Variants in PKHD1L1 observed in about 807,000 individuals in gnomAD.
PKHD1L1 encodes the protein fibrocystin-L.
Under a neutral mutation model 462.9 loss-of-function variants are expected in PKHD1L1, and 434 were observed. The ratio of observed to expected loss-of-function variants is 0.94; its 90% CI spans 0.87 to 1.02. The LOEUF (loss-of-function observed/expected upper bound fraction) is 1.02, where lower values mean the gene tolerates loss of function less well. Ranked by LOEUF, PKHD1L1 falls within the 50% of genes least tolerant of loss-of-function variation. PKHD1L1 has a pLI of 0.00. For synonymous variants in PKHD1L1, 1,781 were observed against 1,750.0 expected (o/e 1.02, Z -0.44); for missense variants, 5,202 against 5,096.1 (o/e 1.02, Z -0.63).
chr8:109,483,096 G>A lies in PKHD1L1; in HGVS notation c.9567G>A (p.Val3189=), dbSNP rs945934182. 1.9e-6 allele frequency: 3 copies of A among 1,575,754 alleles called. No individual in the cohort carries two copies. Among genetic ancestry groups the A allele is most frequent in the African/African-American group, 2.8e-5 (2 of 72,316 alleles). ...GSKVLSLMDA[V]DWQEGEEIVI... ...AAGTCCTGTCTCTGATGGATGCTGT[G>A]GATTGGCAGGTAGACAAAATAATTA... Residue 3189 remains valine (V), a synonymous_variant, in exon 57 of 78, where the codon GTG becomes GTA. Coordinates refer to ENST00000378402, the MANE Select transcript of PKHD1L1 (RefSeq NM_177531.6).
chr8:109,428,194 T>C (rs988681722), intron 25 of PKHD1L1, among the ~76,000 whole-genome samples: 2 of 152,180 alleles, frequency 1.3e-5, no homozygotes, highest in Non-Finnish European at 2.9e-5. Context: ...CTATCACTTA[T>C]ATAACTCTAT....
rs1821122513 is a variant in PKHD1L1, at chr8:109,535,277, G to T, written c.*5187G>T. 6.6e-6 allele frequency among the ~76,000 whole-genome samples: 1 copy of T among 151,952 alleles called. No individual in the cohort carries two copies. The highest frequency in any genetic ancestry group is 1.5e-5 in the Non-Finnish European group (1 of 67,962). ...TACATGGCAATAGTATTTTCCTTTG[G>T]TTTTTCATTACAGTAACTTATGCAT... On this transcript the variant is annotated 3_prime_UTR_variant, in exon 78 of 78. Transcript: ENST00000378402.
intron 50 of PKHD1L1, among the ~76,000 whole-genome samples, chr8:109,468,107 T>C (rs1817544725): frequency 6.6e-6 from 1 of 152,202 alleles, no homozygotes; most frequent in African/African-American, 2.4e-5. Flanking sequence ...TGTATCTCAA[T>C]ATAAACCAAT....
At chr8:109,396,250 C>A in intron 11 of PKHD1L1, 113 bp downstream of exon 11, 1 of 775,240 alleles carries the variant, frequency 1.3e-6, no homozygotes, top group Non-Finnish European at 2.1e-6. Flanking sequence ...CAATTGGAAG[C>A]TGAGTATTTT....
chr8:109,509,443 T>C (rs1819862297), intron 70 of PKHD1L1, among the ~76,000 whole-genome samples: 1 of 151,924 alleles, frequency 6.6e-6, no homozygotes, highest in South Asian at 2.1e-4. Flanking sequence ...TTCTTCAATA[T>C]GAATTTAAAT....
chr8:109,527,370 G>C (rs548383247), intron 77 of PKHD1L1, among the ~76,000 whole-genome samples: 1 of 152,160 alleles, frequency 6.6e-6, no homozygotes, highest in Admixed American at 6.5e-5. Flanking sequence ...TGGGCATGGT[G>C]GTGGGCAACT....
At chr8:109,479,262 C>T (rs1440886782) in intron 53 of PKHD1L1, among the ~76,000 whole-genome samples, 1 of 152,046 alleles carries the variant, frequency 6.6e-6, no homozygotes, top group Non-Finnish European at 1.5e-5. Flanking sequence ...GGATACAGAC[C>T]TGCCACCCCC....
chr8:109,495,599 C>T (rs1355128482), intron 63 of PKHD1L1, among the ~76,000 whole-genome samples: 1 of 151,956 alleles, frequency 6.6e-6, no homozygotes, highest in Non-Finnish European at 1.5e-5. Context: ...CCCTATTTGT[C>T]CATGCATCTA....
rs1211983657 is a variant in PKHD1L1 at position 109,456,356 on chromosome 8, A to G, written c.6969A>G (p.Pro2323=). 6.2e-7 allele frequency: 1 copy of G among 1,610,128 alleles called. No individual in the cohort carries two copies. Among genetic ancestry groups the G allele is most frequent in the Non-Finnish European group, 8.5e-7 (1 of 1,177,966 alleles). ...TACAAGAAGCAGTAACATGGAAACC[A>G]GGAGATAACATTGTAATTGCAAGCA... ...LILQEAVTWK[P]GDNIVIASTG... Residue 2323 remains proline, a synonymous_variant, in exon 46 of 78, where the codon CCA becomes CCG. Coordinates refer to ENST00000378402, the MANE Select transcript of PKHD1L1 (RefSeq NM_177531.6).
intron 50 of PKHD1L1, among the ~76,000 whole-genome samples, chr8:109,473,592 A>G (rs1817836519): frequency 6.6e-6 from 1 of 152,014 alleles, no homozygotes; most frequent in South Asian, 2.1e-4. Context: ...AGTTCTGCAA[A>G]TCCAGGAGCA....
At chr8:109,370,116 T>A (rs1316160305) in intron 2 of PKHD1L1, among the ~76,000 whole-genome samples, 21 of 152,090 alleles carry the variant, frequency 1.4e-4, no homozygotes, top group Admixed American at 1.4e-3. Flanking sequence ...CTGTATTATT[T>A]TTATTTATTT....
intron 67 of PKHD1L1, among the ~76,000 whole-genome samples, chr8:109,503,947 G>A (rs1397919909): frequency 6.6e-6 from 1 of 152,186 alleles, no homozygotes; most frequent in Non-Finnish European, 1.5e-5. Context: ...GGCGATAGGA[G>A]TGATAGAGCC....
At position 109,433,220 on chromosome 8, in the gene PKHD1L1, G is replaced by T; in HGVS notation, c.3340+4G>T. ...TGTTCTCTTCTTTCTGTGGATGGTAGGTCCTTTTAAAAACTATTAAGTCTA... is the reference window on the plus strand; with the variant it reads ...TGTTCTCTTCTTTCTGTGGATGGTATGTCCTTTTAAAAACTATTAAGTCTA... On this transcript the variant is annotated splice_donor_region_variant and intron_variant, in intron 28 of 77. Coordinates refer to ENST00000378402, the MANE Select transcript of PKHD1L1 (RefSeq NM_177531.6). 6.3e-7 allele frequency: 1 copy of T among 1,596,072 alleles called. No individual in the cohort carries two copies. The highest frequency in any genetic ancestry group is 8.6e-7 in the Non-Finnish European group (1 of 1,166,462).
chr8:109,451,684 A>C (rs777409657), intron 41 of PKHD1L1, among the ~76,000 whole-genome samples: 3 of 152,202 alleles, frequency 2.0e-5, no homozygotes, highest in Non-Finnish European at 4.4e-5. Context: ...GATCGCATAC[A>C]CCATAGAAGC....
At chr8:109,436,041 T>A (rs537709477) in intron 29 of PKHD1L1, among the ~76,000 whole-genome samples, 1 of 152,362 alleles carries the variant, frequency 6.6e-6, no homozygotes, top group African/African-American at 2.4e-5. Flanking sequence ...ATGAAGGCAC[T>A]GTGAAAAATA....
At chr8:109,527,233 G>A (rs1188530796) in intron 77 of PKHD1L1, among the ~76,000 whole-genome samples, 1 of 152,164 alleles carries the variant, frequency 6.6e-6, no homozygotes, top group Non-Finnish European at 1.5e-5. Context: ...TGGGCACAGT[G>A]GCTCATACTT....
chr8:109,443,472 TC>T (rs1232770589), intron 36 of PKHD1L1, among the ~76,000 whole-genome samples: 2 of 152,206 alleles, frequency 1.3e-5, no homozygotes, highest in African/African-American at 4.8e-5. Context: ...AATTTTATAT[TC>T]AGTTTTCTCT....
chr8:109,372,037 GAAGA>G (rs1252809837), intron 2 of PKHD1L1, among the ~76,000 whole-genome samples: 1 of 152,144 alleles, frequency 6.6e-6, no homozygotes, highest in East Asian at 1.9e-4. Flanking sequence ...CGAATTCTGT[GAAGA>G]AAGTCATTGG....
At chr8:109,479,483 A>T in intron 53 of PKHD1L1, 68 bp from the exon 54 acceptor site, 1 of 1,070,102 alleles carries the variant, frequency 9.3e-7, no homozygotes, top group Non-Finnish European at 1.4e-6. Context: ...GGAACGGTTT[A>T]CATTTTAGAC....
Sources: gnomAD v4.1 joint callset for allele counts (sites outside exome capture counted in the v4.1 genomes callset) on GRCh38, gnomAD v4.1.1 for gene constraint, MANE v1.5 for transcripts, NCBI Gene and HGNC (gene_info 2026-07-23, HGNC 2026-07-21) for gene names.